Variants in RAB23 observed in about 807,000 individuals in gnomAD.
RAB23 encodes the protein ras-related protein Rab-23.
A neutral mutation model predicts 30.0 loss-of-function variants in RAB23; 15 were observed. That is an observed-to-expected ratio of 0.50 (90% confidence interval 0.33 to 0.77). The LOEUF (loss-of-function observed/expected upper bound fraction) is 0.77, where lower values mean the gene tolerates loss of function less well. Ranked by LOEUF, RAB23 falls within the 30% of genes least tolerant of loss-of-function variation. The pLI is 0.02. For synonymous variants in RAB23, 93 were observed against 94.0 expected, an observed-to-expected ratio of 0.99 and a Z score of 0.06; for missense variants, 243 against 275.4, an observed-to-expected ratio of 0.88 and a Z score of 0.83.
intron 1 of RAB23, among the ~76,000 whole-genome samples, chr6:57,220,189 TTAAAA>T (rs921688625): frequency 6.6e-6 from 1 of 152,052 alleles, no homozygotes; most frequent in African/African-American, 2.4e-5. Flanking sequence ...TAAAGGCACA[TTAAAA>T]CCACAAGGAG....
chr6:57,201,410 T>G (rs917807910), intron 3 of RAB23, among the ~76,000 whole-genome samples: 1 of 151,516 alleles, frequency 6.6e-6, no homozygotes, highest in African/African-American at 2.4e-5. Context: ...GTGACCTCCA[T>G]ATACCCAGAG....
At chr6:57,217,434 G>A (rs1398523033) in intron 1 of RAB23, among the ~76,000 whole-genome samples, 4 of 151,866 alleles carry the variant, frequency 2.6e-5, no homozygotes, top group Admixed American at 6.6e-5. Context: ...TCAGCCTCCC[G>A]AGTAGGTGGG....
chr6:57,217,334 C>T (rs1765885041), intron 1 of RAB23, among the ~76,000 whole-genome samples: 1 of 151,842 alleles, frequency 6.6e-6, no homozygotes, highest in South Asian at 2.1e-4. Flanking sequence ...ATTTTTGAGA[C>T]AAAGTCTCAC....
intron 3 of RAB23, among the ~76,000 whole-genome samples, chr6:57,199,572 G>A (rs1013082228): frequency 4.6e-5 from 7 of 152,066 alleles, no homozygotes; most frequent in Non-Finnish European, 7.4e-5. Flanking sequence ...GGAGAAAAAT[G>A]GATTTCTGCA....
At chr6:57,212,722 A>AG (rs1244639820) in intron 1 of RAB23, among the ~76,000 whole-genome samples, 1 of 151,440 alleles carries the variant, frequency 6.6e-6, no homozygotes, top group African/African-American at 2.4e-5. Flanking sequence ...CTCTACCAAA[A>AG]AAAAAAAAAA....
At chr6:57,202,439 A>G (rs557410634) in intron 3 of RAB23, among the ~76,000 whole-genome samples, 15 of 152,174 alleles carry the variant, frequency 9.9e-5, no homozygotes, top group Non-Finnish European at 1.6e-4. Context: ...CATTATTGCA[A>G]TCAGGTCAAG....
intron 6 of RAB23, among the ~76,000 whole-genome samples, chr6:57,191,517 T>C (rs1482162377): frequency 6.6e-6 from 1 of 150,548 alleles, no homozygotes; most frequent in South Asian, 2.1e-4. Flanking sequence ...TTGTGTGATT[T>C]TGGCTCACCG....
intron 1 of RAB23, among the ~76,000 whole-genome samples, chr6:57,215,825 T>A (rs1765815586): frequency 6.6e-6 from 1 of 152,190 alleles, no homozygotes. Context: ...CAATGTGGTG[T>A]TCAATATATG....
chr6:57,221,865 C>G lies in RAB23; in HGVS notation c.-205G>C, dbSNP rs866618202. The G allele has an allele frequency of 5.9e-5, 9 of 152,716 alleles. No homozygotes were observed. The highest frequency in any genetic ancestry group is 1.7e-4 in the African/African-American group (7 of 41,600). 9.5% of individuals were successfully genotyped at this position (152,716 alleles called of 1,614,324 possible). A position where few individuals can be genotyped will look rare whatever the true frequency, so the allele number is the denominator to read the frequency against. ...GATGGGGGAGCCGGGCCGGGAGGCC[C>G]CTGCCCTCGATACCCCTGCCCACTC... On this transcript the variant is annotated 5_prime_UTR_variant, in exon 1 of 7. Coordinates refer to ENST00000468148, the MANE Select transcript of RAB23 (RefSeq NM_016277.5).
chr6:57,191,031 T>A (rs1392879329), intron 6 of RAB23, among the ~76,000 whole-genome samples: 1 of 152,238 alleles, frequency 6.6e-6, no homozygotes, highest in Non-Finnish European at 1.5e-5. Flanking sequence ...TCATCCAACG[T>A]AGAACACTGA....
chr6:57,195,353 C>T (rs767203775), intron 4 of RAB23, among the ~76,000 whole-genome samples: 22 of 152,306 alleles, frequency 1.4e-4, no homozygotes, highest in South Asian at 2.1e-4. Context: ...GACTACATCT[C>T]CAAATTGTAC....
chr6:57,218,314 T>C (rs1765921858), intron 1 of RAB23, among the ~76,000 whole-genome samples: 1 of 152,222 alleles, frequency 6.6e-6, no homozygotes, highest in South Asian at 2.1e-4. Flanking sequence ...CAACAAAGTA[T>C]TAATAAATTG....
chr6:57,214,448 G>A (rs762997899), intron 1 of RAB23, among the ~76,000 whole-genome samples: 12 of 152,072 alleles, frequency 7.9e-5, no homozygotes, highest in Non-Finnish European at 1.5e-4. Flanking sequence ...GACTACAGGC[G>A]CACACCACCA....
chr6:57,199,816 T>C (rs775642443), intron 3 of RAB23, among the ~76,000 whole-genome samples: 3 of 152,180 alleles, frequency 2.0e-5, no homozygotes, highest in Non-Finnish European at 4.4e-5. Flanking sequence ...GGATTACTTT[T>C]TATGGATTAC....
chr6:57,216,451 T>C (rs1765839145), intron 1 of RAB23, among the ~76,000 whole-genome samples: 1 of 152,152 alleles, frequency 6.6e-6, no homozygotes, highest in Non-Finnish European at 1.5e-5. Flanking sequence ...AACAGCACAA[T>C]ATACCTCCTT....
intron 3 of RAB23, among the ~76,000 whole-genome samples, chr6:57,201,690 T>A (rs1478203407): frequency 6.6e-6 from 1 of 152,224 alleles, no homozygotes; most frequent in Non-Finnish European, 1.5e-5. Flanking sequence ...CTCTTGTTAA[T>A]CTGTCTTTTG....
At chr6:57,221,068 AAC>A (rs200359581) in intron 1 of RAB23, among the ~76,000 whole-genome samples, 3,829 of 152,272 alleles carry the variant, frequency 0.025, 163 homozygotes, top group African/African-American at 0.088. Context: ...CAAAACTTTT[AAC>A]ATTTTGCTAA....
intron 6 of RAB23, among the ~76,000 whole-genome samples, chr6:57,193,468 GGCATTTA>G (rs1764914973): frequency 6.6e-6 from 1 of 152,096 alleles, no homozygotes; most frequent in Non-Finnish European, 1.5e-5. Flanking sequence ...AAGTTTTGCT[GGCATTTA>G]ACATAAGAAA....
At chr6:57,204,066 A>G (rs1170967530) in intron 3 of RAB23, among the ~76,000 whole-genome samples, 5 of 152,172 alleles carry the variant, frequency 3.3e-5, no homozygotes, top group Non-Finnish European at 5.9e-5. Flanking sequence ...TTCAAAAGCG[A>G]AAAAAATAAG....
Sources: gnomAD v4.1 joint callset for allele counts (sites outside exome capture counted in the v4.1 genomes callset) on GRCh38, gnomAD v4.1.1 for gene constraint, MANE v1.5 for transcripts, NCBI Gene and HGNC (gene_info 2026-07-23, HGNC 2026-07-21) for gene names.